The following TP53BP1 variants were observed in gnomAD, a reference collection of about 807,000 sequenced individuals.
TP53BP1 encodes tumor protein p53 binding protein 1, also known as TP53-binding protein 1.
Under a neutral mutation model 200.8 loss-of-function variants are expected in TP53BP1, and 61 were observed. The ratio of observed to expected loss-of-function variants is 0.30; its 90% CI spans 0.25 to 0.38. The LOEUF is 0.38. Among genes scored for constraint, TP53BP1 ranks in the 10% least tolerant of loss-of-function variants. TP53BP1 has a pLI of 1.00. For synonymous variants in TP53BP1, 822 were observed against 844.3 expected, an observed-to-expected ratio of 0.97 and a Z score of 0.46; for missense variants, 2,144 against 2,371.9, an observed-to-expected ratio of 0.90 and a Z score of 2.00.
At chr15:43,483,315 T>G (rs2079000900) in intron 4 of TP53BP1, among the ~76,000 whole-genome samples, 1 of 151,664 alleles carries the variant, frequency 6.6e-6, no homozygotes, top group South Asian at 2.1e-4. Context: ...GGCTTAAACT[T>G]TTAAAATAAA....
In TP53BP1 at chr15:43,407,476, C is replaced by T. The variant is rs754224762; in HGVS notation, c.5841G>A (p.Val1947=). The T allele has an allele frequency of 9.9e-6, 16 of 1,614,218 alleles. No homozygotes were observed. The highest frequency in any genetic ancestry group is 1.4e-5 in the Non-Finnish European group (16 of 1,180,026). The change falls in exon 28 of 28, where the codon GTG becomes GTA. Residue 1947 remains valine (V), a synonymous_variant. Transcript: ENST00000382044. ...KCAEALQLPV[V]SQEWVIQCLI... ...GGCACTGGATCACCCACTCTTGTGA[C>T]ACCACAGGCAGCTGCAATGCTTCAG...
chr15:43,404,668 G>C lies in TP53BP1; in HGVS notation c.*2715C>G. The stretch of plus-strand genomic sequence containing the variant: ...CAAATACCCTCATTTTATAAGTAAG[G>C]CTTAGAGATAGAGGTGTGACCATCT... On this transcript the variant is annotated 3_prime_UTR_variant, in exon 28 of 28. Coordinates refer to ENST00000382044, the MANE Select transcript of TP53BP1 (RefSeq NM_001141980.3). 8.9e-7 allele frequency: 1 copy of C among 1,119,530 alleles called. No individual in the cohort carries two copies. Among genetic ancestry groups the C allele is most frequent in the Non-Finnish European group, 1.3e-6 (1 of 783,494 alleles). 69.3% of individuals were successfully genotyped at this position (1,119,530 alleles called of 1,614,324 possible).
At position 43,404,160 on chromosome 15, in the gene TP53BP1, G is replaced by A. The variant is rs918070973; in HGVS notation, c.*3223C>T. 5 of 537,214 alleles carry A rather than the reference G, an allele frequency of 9.3e-6. No individual in the cohort carries two copies. In the South Asian group the frequency reaches 1.1e-4, roughly 12 times the overall value. 33.3% of individuals were successfully genotyped at this position (537,214 alleles called of 1,614,324 possible). A position where few individuals can be genotyped will look rare whatever the true frequency, so the allele number is the denominator to read the frequency against. On this transcript the variant is annotated 3_prime_UTR_variant, in exon 28 of 28. Coordinates refer to ENST00000382044, the MANE Select transcript of TP53BP1 (RefSeq NM_001141980.3). ...CGGGTTCTCCCCAACCCCAGTACTTGACAAAATACATTAACTGGAAACCAG... is the reference window on the plus strand; with the variant it reads ...CGGGTTCTCCCCAACCCCAGTACTTAACAAAATACATTAACTGGAAACCAG...
chr15:43,466,096 T>G (rs1323122751), intron 11 of TP53BP1, among the ~76,000 whole-genome samples: 1 of 152,200 alleles, frequency 6.6e-6, no homozygotes, highest in Non-Finnish European at 1.5e-5. Context: ...GAATAAAGGC[T>G]ACTAAACAAT....
chr15:43,416,494 C>A, intron 21 of TP53BP1, 78 bp from the exon 22 acceptor site: 6 of 1,417,826 alleles, frequency 4.2e-6, no homozygotes, highest in South Asian at 1.3e-5. Context: ...CTCTGTAAAG[C>A]AGGCCTGAGT....
At chr15:43,443,433 T>C (rs1288335584) in intron 14 of TP53BP1, among the ~76,000 whole-genome samples, 2 of 152,198 alleles carry the variant, frequency 1.3e-5, no homozygotes, top group African/African-American at 4.8e-5. Context: ...GGCTCACTCA[T>C]GTAATCCCAA....
chr15:43,475,192 C>T (rs2078862373), intron 9 of TP53BP1, among the ~76,000 whole-genome samples: 1 of 152,216 alleles, frequency 6.6e-6, no homozygotes, highest in Non-Finnish European at 1.5e-5. Flanking sequence ...AAGCGAACCT[C>T]TTTGCCCTAA....
rs768935265 is a variant in TP53BP1, at chr15:43,409,022, G to A, written c.5475C>T (p.Ala1825=). The part of the protein sequence containing the change: ...CRTRKYFLCL[A]SGIPCVSHVW... ...CATGAGACACACAAGGAATCCCACT[G>A]GCAAGGCACAGGAAGTACTTCCGGG... The change falls in exon 26 of 28, where the codon GCC becomes GCT. Residue 1825 remains alanine (A), a synonymous_variant. Coordinates refer to ENST00000382044, the MANE Select transcript of TP53BP1 (RefSeq NM_001141980.3). The A allele has an allele frequency of 6.2e-7, 1 of 1,614,178 alleles. No individual in the cohort carries two copies. The highest frequency in any genetic ancestry group is 1.7e-5 in the Admixed American group (1 of 60,026).
At chr15:43,423,889 C>T (rs776077511) in intron 18 of TP53BP1, among the ~76,000 whole-genome samples, 4 of 152,068 alleles carry the variant, frequency 2.6e-5, no homozygotes, top group South Asian at 2.1e-4. Context: ...CCTTTAAAAT[C>T]GGTATTTCCC....
chr15:43,477,584 T>C lies in TP53BP1; in HGVS notation c.955+9A>G. The C allele has an allele frequency of 6.2e-7, 1 of 1,603,172 alleles. No individual in the cohort carries two copies. The highest frequency in any genetic ancestry group is 1.1e-5 in the South Asian group (1 of 88,894). Reference sequence around the variant, plus strand: ...GAGAAGAGCTGTAACGACAAATCACTCTTGGTACCTGTTTTATTGCTCTGG... The same window carrying C: ...GAGAAGAGCTGTAACGACAAATCACCCTTGGTACCTGTTTTATTGCTCTGG... On this transcript the variant is annotated intron_variant, in intron 8 of 27. Transcript: ENST00000382044.
intron 18 of TP53BP1, among the ~76,000 whole-genome samples, chr15:43,422,521 G>A (rs28463778): frequency 3.3e-5 from 5 of 152,198 alleles, no homozygotes; most frequent in Non-Finnish European, 5.9e-5. Flanking sequence ...GACGACAGAA[G>A]TAAATTCTTA....
intron 1 of TP53BP1, among the ~76,000 whole-genome samples, chr15:43,501,494 A>C (rs971785366): frequency 6.6e-6 from 1 of 152,214 alleles, no homozygotes; most frequent in African/African-American, 2.4e-5. Flanking sequence ...GAACACAGGC[A>C]TGGGCCACCG....
intron 11 of TP53BP1, among the ~76,000 whole-genome samples, chr15:43,465,336 T>C (rs1046400422): frequency 1.3e-5 from 2 of 152,118 alleles, no homozygotes; most frequent in East Asian, 1.9e-4. Flanking sequence ...TCTATGAATA[T>C]ACTAAAAACC....
At chr15:43,440,376 G>A (rs1164321167) in intron 15 of TP53BP1, among the ~76,000 whole-genome samples, 9 of 152,196 alleles carry the variant, frequency 5.9e-5, no homozygotes, top group East Asian at 1.9e-4. Flanking sequence ...TTAGCCAGGC[G>A]TGGTGGCTGG....
At chr15:43,450,633 A>G (rs2046144347) in intron 12 of TP53BP1, among the ~76,000 whole-genome samples, 1 of 152,178 alleles carries the variant, frequency 6.6e-6, no homozygotes, top group African/African-American at 2.4e-5. Flanking sequence ...TGGGCTTCCA[A>G]GTACCATCTT....
intron 4 of TP53BP1, among the ~76,000 whole-genome samples, chr15:43,485,166 T>C (rs1406665307): frequency 6.6e-6 from 1 of 152,196 alleles, no homozygotes; most frequent in Non-Finnish European, 1.5e-5. Context: ...TTATTTATCA[T>C]ATATTGCTAT....
At chr15:43,448,095 G>A (rs1373932734) in intron 12 of TP53BP1, among the ~76,000 whole-genome samples, 1 of 152,152 alleles carries the variant, frequency 6.6e-6, no homozygotes, top group Non-Finnish European at 1.5e-5. Flanking sequence ...AGGCCTAAGT[G>A]TAATGTTCAT....
chr15:43,467,447 C>G (rs986184975), intron 11 of TP53BP1, among the ~76,000 whole-genome samples: 3 of 152,064 alleles, frequency 2.0e-5, no homozygotes, highest in Non-Finnish European at 4.4e-5. Context: ...TTCAAAGAAA[C>G]CTGATTAGAG....
intron 18 of TP53BP1, among the ~76,000 whole-genome samples, chr15:43,425,279 T>C (rs2045501188): frequency 1.3e-5 from 2 of 152,186 alleles, no homozygotes. Context: ...TCAAACTGTC[T>C]AAGAGGCCTG....
Sources: allele counts gnomAD v4.1 joint callset (sites outside exome capture counted in the v4.1 genomes callset), GRCh38; gene constraint gnomAD v4.1.1; transcripts MANE v1.5; gene names NCBI Gene and HGNC (gene_info 2026-07-23, HGNC 2026-07-21).